Variants in USH2A observed in about 807,000 individuals in gnomAD.
USH2A encodes Usher syndrome 2A (autosomal recessive, mild).
A neutral mutation model predicts 538.9 loss-of-function variants in USH2A; 443 were observed. The observed-to-expected ratio is 0.82, with a 90% CI of 0.76 to 0.89. The LOEUF (loss-of-function observed/expected upper bound fraction) is 0.89, where lower values mean the gene tolerates loss of function less well. USH2A is among the 40% of genes least tolerant of loss of function. The pLI, the probability that USH2A is intolerant of heterozygous loss-of-function variation, is 0.00. For synonymous variants in USH2A, 2,413 were observed against 2,273.5 expected (o/e 1.06, Z -1.75); for missense variants, 6,633 against 6,324.8 (o/e 1.05, Z -1.65).
chr1:216,384,336 G>A (rs1269812759), intron 3 of USH2A, among the ~76,000 whole-genome samples: 1 of 152,014 alleles, frequency 6.6e-6, no homozygotes, highest in Admixed American at 6.5e-5. Flanking sequence ...AATACATGTG[G>A]CTGGCTAATA....
chr1:216,332,254 C>T (rs2102666153), intron 4 of USH2A, among the ~76,000 whole-genome samples: 1 of 152,172 alleles, frequency 6.6e-6, no homozygotes, highest in East Asian at 1.9e-4. Flanking sequence ...CAGAGTTCAT[C>T]CACTGGAAAC....
intron 35 of USH2A, among the ~76,000 whole-genome samples, chr1:215,978,149 T>C (rs1667666080): frequency 6.6e-6 from 1 of 152,162 alleles, no homozygotes; most frequent in Admixed American, 6.5e-5. Flanking sequence ...TAAAATGTTC[T>C]GATCACTTAC....
chr1:215,758,051 A>T (rs1660863562), intron 58 of USH2A, among the ~76,000 whole-genome samples: 1 of 152,208 alleles, frequency 6.6e-6, no homozygotes, highest in Admixed American at 6.5e-5. Flanking sequence ...TGGGAGGCTG[A>T]GGCGGGTGAA....
chr1:216,241,770 G>T (rs182232434), intron 13 of USH2A, among the ~76,000 whole-genome samples: 7 of 152,178 alleles, frequency 4.6e-5, no homozygotes, highest in Non-Finnish European at 8.8e-5. Flanking sequence ...TTGACCTCAG[G>T]TGATCCACCC....
chr1:215,674,054 G>T (rs778632679), intron 63 of USH2A, 46 bp downstream of exon 63: 106 of 1,613,290 alleles, frequency 6.6e-5, no homozygotes, highest in Middle Eastern at 3.3e-4. Flanking sequence ...GCAATAGAAA[G>T]GTCAGCAGTG....
chr1:215,814,222 TAATAA>T (rs1165611108), intron 48 of USH2A, among the ~76,000 whole-genome samples: 1 of 146,998 alleles, frequency 6.8e-6, no homozygotes, highest in Non-Finnish European at 1.5e-5. Flanking sequence ...TAATTTTATA[TAATAA>T]AAGATATAAG....
chr1:216,329,534 C>A (rs1033246612), intron 4 of USH2A, among the ~76,000 whole-genome samples: 10 of 152,016 alleles, frequency 6.6e-5, no homozygotes, highest in African/African-American at 2.4e-4. Flanking sequence ...GGAAGCTGGG[C>A]CTGTGTCCCG....
chr1:216,278,917 T>C (rs184179663), intron 11 of USH2A, among the ~76,000 whole-genome samples: 1 of 152,248 alleles, frequency 6.6e-6, no homozygotes, highest in Non-Finnish European at 1.5e-5. Flanking sequence ...AAATGTATTG[T>C]TTTGAAAATT....
chr1:216,100,712 G>A (rs1036802737), intron 21 of USH2A, among the ~76,000 whole-genome samples: 2 of 152,080 alleles, frequency 1.3e-5, no homozygotes, highest in Non-Finnish European at 2.9e-5. Context: ...CTCAATCTGG[G>A]AAGACAACTA....
At chr1:216,161,091 T>C (rs1040029377) in intron 21 of USH2A, among the ~76,000 whole-genome samples, 2 of 152,134 alleles carry the variant, frequency 1.3e-5, no homozygotes, top group African/African-American at 4.8e-5. Context: ...ATATTTAAAG[T>C]ATGTTTATAA....
intron 34 of USH2A, among the ~76,000 whole-genome samples, chr1:215,995,135 T>C (rs750191486): frequency 1.3e-5 from 2 of 152,194 alleles, no homozygotes; most frequent in African/African-American, 2.4e-5. Flanking sequence ...TTCTATACTA[T>C]ACAACATATA....
At chr1:215,644,247 T>C (rs894863442) in intron 67 of USH2A, among the ~76,000 whole-genome samples, 1 of 152,128 alleles carries the variant, frequency 6.6e-6, no homozygotes, top group African/African-American at 2.4e-5. Flanking sequence ...GAAGCATAGC[T>C]TGAAGGGGAA....
intron 60 of USH2A, among the ~76,000 whole-genome samples, chr1:215,732,857 G>C (rs1001315545): frequency 2.0e-5 from 3 of 151,658 alleles, no homozygotes; most frequent in Non-Finnish European, 4.4e-5. Flanking sequence ...TTTTTCTATA[G>C]ACTAACTACA....
intron 21 of USH2A, 78 bp downstream of exon 21, chr1:216,175,174 T>C (rs1248063448): frequency 1.5e-5 from 24 of 1,590,942 alleles, no homozygotes; most frequent in Non-Finnish European, 1.9e-5. Flanking sequence ...TAAAAATTCA[T>C]TGTAAAGGGA....
chr1:215,804,101 A>T (rs1266637033), intron 49 of USH2A, among the ~76,000 whole-genome samples: 1 of 151,774 alleles, frequency 6.6e-6, no homozygotes, highest in Non-Finnish European at 1.5e-5. Context: ...CTGAAACTGG[A>T]TCCCTTCCTT....
At chr1:216,154,281 A>G (rs921894238) in intron 21 of USH2A, among the ~76,000 whole-genome samples, 12 of 152,222 alleles carry the variant, frequency 7.9e-5, no homozygotes, top group Non-Finnish European at 1.3e-4. Flanking sequence ...ATTTAATGAA[A>G]GTCATTTTCT....
intron 4 of USH2A, among the ~76,000 whole-genome samples, chr1:216,333,743 C>T (rs753441173): frequency 3.8e-4 from 57 of 151,962 alleles, no homozygotes; most frequent in Non-Finnish European, 3.7e-4. Flanking sequence ...TACATGGGAT[C>T]TTCAATAAGA....
At chr1:215,972,167 T>TG (rs1480134950) in intron 35 of USH2A, among the ~76,000 whole-genome samples, 1 of 152,180 alleles carries the variant, frequency 6.6e-6, no homozygotes, top group Non-Finnish European at 1.5e-5. Flanking sequence ...TATTGGGTTT[T>TG]GCCAGTGGGA....
chr1:215,877,691 C>T (rs1664806848), intron 43 of USH2A, 67 bp downstream of exon 43: 1 of 1,606,950 alleles, frequency 6.2e-7, no homozygotes, highest in Admixed American at 1.7e-5. Flanking sequence ...CACTGAGATA[C>T]TTTGAACTAT....
Sources: gnomAD v4.1 joint callset for allele counts (sites outside exome capture counted in the v4.1 genomes callset) on GRCh38, gnomAD v4.1.1 for gene constraint, MANE v1.5 for transcripts, NCBI Gene and HGNC (gene_info 2026-07-23, HGNC 2026-07-21) for gene names.